SCFD2: variants seen among roughly 807,000 people sequenced by gnomAD.
The protein encoded by SCFD2 is sec1 family domain-containing protein 2.
In SCFD2, 54 loss-of-function variants were observed where a neutral mutation model predicts 58.9. The ratio of observed to expected loss-of-function variants is 0.92; its 90% confidence interval spans 0.74 to 1.15. The LOEUF (loss-of-function observed/expected upper bound fraction) is 1.15. SCFD2 is among the 50% of genes most tolerant of loss of function. SCFD2 has a pLI of 0.00. For synonymous variants in SCFD2, 321 were observed against 335.9 expected, an observed-to-expected ratio of 0.96 and a Z score of 0.49; for missense variants, 805 against 836.6, an observed-to-expected ratio of 0.96 and a Z score of 0.47.
Position 52,920,861 on chromosome 4 carries a change from G to T in SCFD2, c.1571C>A (p.Ser524Tyr). The T allele has an allele frequency of 6.2e-7, 1 of 1,609,342 alleles. No individual in the cohort carries two copies. Among genetic ancestry groups the T allele is most frequent in the South Asian group, 1.1e-5 (1 of 90,582 alleles). The change falls in exon 6 of 9, where the codon TCT (serine) becomes TAT (tyrosine). Residue 524 changes from serine to tyrosine, a missense_variant. Coordinates refer to ENST00000401642, the MANE Select transcript of SCFD2 (RefSeq NM_152540.4). The part of the protein sequence containing the change: ...PLLQKITDWD[S>Y]SINLTFHKSK... ...TTTGTGAAATGTCAGATTAATTGAA[G>T]AGTCCCAGTCTGAAAAAATCCAGAG...
At chr4:53,341,056 T>C (rs1733854635) in intron 2 of SCFD2, among the ~76,000 whole-genome samples, 1 of 152,164 alleles carries the variant, frequency 6.6e-6, no homozygotes, top group South Asian at 2.1e-4. Context: ...GAGCACCTCT[T>C]CACCTCCAAA....
At chr4:53,355,167 G>T (rs1175803392) in intron 1 of SCFD2, among the ~76,000 whole-genome samples, 1 of 152,154 alleles carries the variant, frequency 6.6e-6, no homozygotes, top group Non-Finnish European at 1.5e-5. Context: ...CTTCATAAGA[G>T]CTCAATACAT....
At chr4:53,282,142 G>C (rs1274709973) in intron 3 of SCFD2, among the ~76,000 whole-genome samples, 2 of 152,118 alleles carry the variant, frequency 1.3e-5, no homozygotes, top group Non-Finnish European at 2.9e-5. Context: ...CAGGGGTAGA[G>C]GTGCAGGTTT....
intron 4 of SCFD2, among the ~76,000 whole-genome samples, chr4:53,237,710 A>G (rs1326533638): frequency 1.0e-5 from 1 of 99,006 alleles, no homozygotes; most frequent in Non-Finnish European, 2.0e-5. Context: ...ACTTCCCAGT[A>G]GGGGCGGCCA....
At chr4:52,955,820 G>C in intron 5 of SCFD2, 1 of 324,730 alleles carries the variant, frequency 3.1e-6, no homozygotes, top group Non-Finnish European at 6.0e-6. Context: ...CAAAGACAGT[G>C]GTCAGTAATA....
At chr4:52,895,640 A>C (rs538765163) in intron 7 of SCFD2, among the ~76,000 whole-genome samples, 1 of 152,292 alleles carries the variant, frequency 6.6e-6, no homozygotes, top group South Asian at 2.1e-4. Context: ...ACACGTGTGC[A>C]TGTGTCTTTA....
chr4:53,187,860 A>G (rs1727783009), intron 4 of SCFD2, among the ~76,000 whole-genome samples: 1 of 152,158 alleles, frequency 6.6e-6, no homozygotes, highest in African/African-American at 2.4e-5. Context: ...TGATAAACAT[A>G]TCTTCATAAT....
intron 1 of SCFD2, among the ~76,000 whole-genome samples, chr4:53,353,041 A>G (rs1159466975): frequency 1.3e-5 from 2 of 152,160 alleles, no homozygotes; most frequent in Admixed American, 6.5e-5. Context: ...GGAATTGGTG[A>G]GTTCTTGGTC....
chr4:53,105,307 C>T (rs566369545), intron 5 of SCFD2, among the ~76,000 whole-genome samples: 18 of 149,148 alleles, frequency 1.2e-4, no homozygotes, highest in East Asian at 1.2e-3. Context: ...TTTCATACCC[C>T]AGTGGCACCT....
At chr4:53,202,700 A>C (rs1042644458) in intron 4 of SCFD2, among the ~76,000 whole-genome samples, 7 of 151,908 alleles carry the variant, frequency 4.6e-5, no homozygotes, top group Non-Finnish European at 7.4e-5. Flanking sequence ...CTTTTATTTC[A>C]TTGAGCAGTG....
intron 4 of SCFD2, among the ~76,000 whole-genome samples, chr4:53,186,105 A>G (rs2148953378): frequency 6.6e-6 from 1 of 152,264 alleles, no homozygotes; most frequent in African/African-American, 2.4e-5. Context: ...AGTGTCTCAC[A>G]CGCTTCACAT....
At chr4:53,331,548 C>T (rs1381082067) in intron 2 of SCFD2, among the ~76,000 whole-genome samples, 15 of 152,040 alleles carry the variant, frequency 9.9e-5, no homozygotes, top group Non-Finnish European at 1.6e-4. Context: ...TTGAAACCAG[C>T]GAGAACAAAG....
At chr4:53,337,705 T>C (rs1733727219) in intron 2 of SCFD2, among the ~76,000 whole-genome samples, 1 of 152,112 alleles carries the variant, frequency 6.6e-6, no homozygotes, top group Non-Finnish European at 1.5e-5. Flanking sequence ...TAAATTGAGG[T>C]AGATTCATGC....
At chr4:53,282,329 G>A (rs1226847730) in intron 3 of SCFD2, among the ~76,000 whole-genome samples, 1 of 151,806 alleles carries the variant, frequency 6.6e-6, no homozygotes, top group Non-Finnish European at 1.5e-5. Context: ...TCTTTTCTCT[G>A]ATCTTCTACA....
At chr4:53,168,781 T>C (rs1727089639) in intron 4 of SCFD2, among the ~76,000 whole-genome samples, 1 of 152,202 alleles carries the variant, frequency 6.6e-6, no homozygotes, top group African/African-American at 2.4e-5. Flanking sequence ...CTCAGTAATT[T>C]TGAAATATAT....
chr4:53,038,595 T>C lies in SCFD2; in HGVS notation c.1561+106738A>G, dbSNP rs558082922. On this transcript the variant is annotated intron_variant, in intron 5 of 8. Coordinates refer to ENST00000401642, the MANE Select transcript of SCFD2 (RefSeq NM_152540.4). ...ATCTGAAGCCTCTGAGCCTTGTCCA[T>C]TATGAATTTTACTCTAAGTATAAAA... Among the ~76,000 whole-genome samples the C allele has an allele frequency of 7.2e-5, 11 of 152,274 alleles. No homozygotes were observed. In the East Asian group the frequency reaches 1.9e-3, roughly 27 times the overall value.
At chr4:53,305,324 A>G (rs1254007697) in intron 3 of SCFD2, among the ~76,000 whole-genome samples, 2 of 152,098 alleles carry the variant, frequency 1.3e-5, no homozygotes, top group African/African-American at 2.4e-5. Context: ...ATTTTTGTAT[A>G]TAGTGTAACA....
chr4:52,886,239 C>G (rs1297483302), intron 7 of SCFD2, among the ~76,000 whole-genome samples: 1 of 152,098 alleles, frequency 6.6e-6, no homozygotes, highest in African/African-American at 2.4e-5. Flanking sequence ...TGCTTACTTG[C>G]AAACCAATCA....
chr4:53,080,887 T>C (rs184912618), intron 5 of SCFD2, among the ~76,000 whole-genome samples: 19 of 152,284 alleles, frequency 1.2e-4, no homozygotes, highest in African/African-American at 4.1e-4. Flanking sequence ...ACATACATGA[T>C]ACAAAACTGC....
Sources: gnomAD v4.1 joint callset for allele counts (sites outside exome capture counted in the v4.1 genomes callset) on GRCh38, gnomAD v4.1.1 for gene constraint, MANE v1.5 for transcripts, NCBI Gene and HGNC (gene_info 2026-07-23, HGNC 2026-07-21) for gene names.